BRINP1: variants seen among roughly 807,000 people sequenced by gnomAD.
The protein encoded by BRINP1 is BMP/retinoic acid-inducible neural-specific protein 1.
Under a neutral mutation model 72.9 loss-of-function variants are expected in BRINP1, and 17 were observed. That is an observed-to-expected ratio of 0.23 (90% confidence interval 0.16 to 0.35). The LOEUF is 0.35. Among genes scored for constraint, BRINP1 ranks in the 10% least tolerant of loss-of-function variants. The pLI, the probability that BRINP1 is intolerant of heterozygous loss-of-function variation, is 1.00. For missense variants in BRINP1, 850 were observed against 1,001.6 expected, an observed-to-expected ratio of 0.85 and a Z score of 2.04; for synonymous variants, 418 against 378.5, an observed-to-expected ratio of 1.10 and a Z score of -1.21.
Position 119,368,992 on chromosome 9 carries a change from T to G in BRINP1, c.-51+64A>C, listed in dbSNP as rs934406757. 1 of 392,544 alleles carries G rather than the reference T, an allele frequency of 2.5e-6. No homozygotes were observed. Among genetic ancestry groups the G allele is most frequent in the Non-Finnish European group, 4.5e-6 (1 of 222,630 alleles). The allele number at this position is 392,544 out of a possible 1,614,324, so 24.3% of individuals were successfully genotyped here. On this transcript the variant is annotated intron_variant, in intron 1 of 7. Coordinates refer to ENST00000265922, the MANE Select transcript of BRINP1 (RefSeq NM_014618.3). The surrounding 1 kb of genome is among the most constrained non-coding windows in gnomAD (Gnocchi z 4.7). ...CAGAGGAGCGCGGGGACGCCCCGAA[T>G]GCGGCCCGGGGCCGGGTCCAAGGGC...
intron 2 of BRINP1, among the ~76,000 whole-genome samples, chr9:119,251,475 G>A (rs1830387051): frequency 1.3e-5 from 2 of 152,126 alleles, no homozygotes; most frequent in African/African-American, 4.8e-5. Flanking sequence ...CAGAATGGTG[G>A]TGCACGCCTG....
At chr9:119,210,984 A>C (rs1406947201) in intron 6 of BRINP1, among the ~76,000 whole-genome samples, 1 of 152,160 alleles carries the variant, frequency 6.6e-6, no homozygotes, top group African/African-American at 2.4e-5. Flanking sequence ...GAGCTGGCTG[A>C]AGGCAGGAGA....
At chr9:119,170,492 A>T (rs980219255) in intron 7 of BRINP1, among the ~76,000 whole-genome samples, 6 of 152,042 alleles carry the variant, frequency 3.9e-5, no homozygotes, top group African/African-American at 1.5e-4. Context: ...GAAAAGACCA[A>T]ATCTACATCT....
chr9:119,252,988 G>A (rs534538257), intron 2 of BRINP1, among the ~76,000 whole-genome samples: 1 of 152,246 alleles, frequency 6.6e-6, no homozygotes, highest in South Asian at 2.1e-4. Flanking sequence ...TCCCTCACAG[G>A]GTGGATGTAA....
At chr9:119,300,941 C>T (rs1830932641) in intron 2 of BRINP1, among the ~76,000 whole-genome samples, 1 of 152,212 alleles carries the variant, frequency 6.6e-6, no homozygotes, top group African/African-American at 2.4e-5. Context: ...CCAGCCATTC[C>T]TCAATTTCTC....
chr9:119,247,273 T>C (rs1588176438), intron 3 of BRINP1, among the ~76,000 whole-genome samples: 1 of 150,668 alleles, frequency 6.6e-6, no homozygotes, highest in Non-Finnish European at 1.5e-5. Flanking sequence ...TAACTTAATA[T>C]CTAACTGGCA....
chr9:119,227,426 T>C (rs894805194), intron 5 of BRINP1, among the ~76,000 whole-genome samples: 2 of 152,058 alleles, frequency 1.3e-5, no homozygotes, highest in African/African-American at 4.8e-5. Flanking sequence ...CTGGCGAGCA[T>C]AGAACAAGGT....
chr9:119,281,387 T>G (rs1180174374), intron 2 of BRINP1, among the ~76,000 whole-genome samples: 2 of 122,526 alleles, frequency 1.6e-5, no homozygotes, highest in African/African-American at 6.3e-5. Flanking sequence ...AGCATTGATG[T>G]AAGCATTCAA....
In BRINP1 at chr9:119,192,427, T is replaced by C. The variant is rs562974760; in HGVS notation, c.1145+16292A>G. ...AAAACAAACAACCCAATTTAAAAAA[T>C]GAACAAAGGACCTGAACAGACATTT... On this transcript the variant is annotated intron_variant, in intron 7 of 7. Transcript: ENST00000265922. Among the ~76,000 whole-genome samples, 152 of 151,874 alleles carry C rather than the reference T, an allele frequency of 1.0e-3. 1 individual carries two copies. The highest frequency in any genetic ancestry group is 6.6e-4 in the Non-Finnish European group (45 of 67,888).
At chr9:119,246,069 A>G (rs566559476) in intron 3 of BRINP1, among the ~76,000 whole-genome samples, 1 of 152,356 alleles carries the variant, frequency 6.6e-6, no homozygotes, top group South Asian at 2.1e-4. Flanking sequence ...AGCACTTTCA[A>G]TAGATGATTT....
At chr9:119,253,797 G>C (rs188494908) in intron 2 of BRINP1, among the ~76,000 whole-genome samples, 1 of 152,134 alleles carries the variant, frequency 6.6e-6, no homozygotes, top group East Asian at 1.9e-4. Context: ...ATACATAAAT[G>C]ATAAGAGCTA....
chr9:119,252,055 C>T (rs1325877926), intron 2 of BRINP1, among the ~76,000 whole-genome samples: 1 of 152,164 alleles, frequency 6.6e-6, no homozygotes, highest in East Asian at 1.9e-4. Context: ...CTTGCATTGG[C>T]TTTCCCGCTC....
At chr9:119,192,289 A>G (rs989378281) in intron 7 of BRINP1, among the ~76,000 whole-genome samples, 6 of 152,072 alleles carry the variant, frequency 3.9e-5, no homozygotes, top group African/African-American at 1.2e-4. Flanking sequence ...CAGCAAAGGA[A>G]ATATTTAACA....
chr9:119,358,968 A>G (rs1173834747), intron 1 of BRINP1, among the ~76,000 whole-genome samples: 1 of 152,220 alleles, frequency 6.6e-6, no homozygotes, highest in East Asian at 1.9e-4. Flanking sequence ...TTCATTTGGA[A>G]GGCAGTGCCT....
intron 2 of BRINP1, among the ~76,000 whole-genome samples, chr9:119,293,614 A>G (rs1030601192): frequency 4.6e-5 from 7 of 152,222 alleles, no homozygotes; most frequent in African/African-American, 1.7e-4. Flanking sequence ...TGGATAAATA[A>G]TTTATTCACT....
In BRINP1 at chr9:119,213,948, G is replaced by A; in HGVS notation, c.893C>T (p.Ala298Val). 1.9e-6 allele frequency: 3 copies of A among 1,614,112 alleles called. No individual in the cohort carries two copies. Among genetic ancestry groups the A allele is most frequent in the Non-Finnish European group, 2.5e-6 (3 of 1,180,016 alleles). Residue 298 changes from alanine (A) to valine (V), a missense_variant, in exon 6 of 8, where the codon GCC becomes GTC. Transcript: ENST00000265922. ...YTLANMAKSW[A>V]EAYKDLENSD... is the part of the protein sequence containing the mutation. Reference sequence around the variant, plus strand: ...ATTCTCCAGGTCCTTATAAGCTTCGGCCCAAGACTTGGCCATGTTGGCCAG... The same window carrying A: ...ATTCTCCAGGTCCTTATAAGCTTCGACCCAAGACTTGGCCATGTTGGCCAG...
rs1405696674 is a variant in BRINP1 at position 119,186,157 on chromosome 9, C to T, written c.1146-17933G>A. 2.0e-5 allele frequency among the ~76,000 whole-genome samples: 3 copies of T among 152,252 alleles called. No homozygotes were observed. In the South Asian group the frequency reaches 6.2e-4, roughly 32 times the overall value. On this transcript the variant is annotated intron_variant, in intron 7 of 7. Transcript: ENST00000265922. ...GGGTCACAGCCTAGGCTCGGTGGAG[C>T]AGGCAGTCTGTCCCAGTGGAGAAGC... is the stretch of plus-strand genomic sequence containing the variant.
At chr9:119,213,759 G>T (rs1564218764) in intron 6 of BRINP1, 160 bp downstream of exon 6, 2 of 678,610 alleles carry the variant, frequency 2.9e-6, no homozygotes, top group African/African-American at 1.8e-5. Context: ...TTGAGTGCCT[G>T]CTCTGTGACA....
intron 3 of BRINP1, among the ~76,000 whole-genome samples, chr9:119,244,041 G>T (rs978499916): frequency 1.3e-5 from 2 of 152,120 alleles, no homozygotes; most frequent in African/African-American, 2.4e-5. Context: ...ATTTTCCCTC[G>T]TCGTTAGGAC....
Sources: allele counts gnomAD v4.1 joint callset (sites outside exome capture counted in the v4.1 genomes callset), GRCh38; gene constraint gnomAD v4.1.1; non-coding constraint Gnocchi (gnomAD v3.1); transcripts MANE v1.5; gene names NCBI Gene and HGNC (gene_info 2026-07-23, HGNC 2026-07-21).